The following ALPK1 variants were observed in gnomAD, a reference collection of about 807,000 sequenced individuals.
ALPK1 encodes alpha-protein kinase 1.
Under a neutral mutation model 120.6 loss-of-function variants are expected in ALPK1, and 110 were observed. That is an observed-to-expected ratio of 0.91 (90% confidence interval 0.78 to 1.07). The LOEUF is 1.07. ALPK1 is among the 50% of genes least tolerant of loss of function. The pLI is 0.00. For synonymous variants in ALPK1, 582 were observed against 560.3 expected (o/e 1.04, Z -0.55); for missense variants, 1,498 against 1,483.9 (o/e 1.01, Z -0.16).
In ALPK1 at chr4:112,357,815, T is replaced by C; in HGVS notation, c.-100-19863T>C. Reference sequence around the variant, plus strand: ...ATCTTCTTCCCTTCATATCCCATCATGGAAAAGAGCCTGGAGTTCTGGCAG... The same window carrying C: ...ATCTTCTTCCCTTCATATCCCATCACGGAAAAGAGCCTGGAGTTCTGGCAG... On this transcript the variant is annotated intron_variant, in intron 2 of 15. Transcript: ENST00000650871. The C allele has an allele frequency of 8.7e-6, 9 of 1,029,540 alleles. No individual in the cohort carries two copies. In the South Asian group the frequency reaches 1.1e-4, roughly 13 times the overall value. The allele number at this position is 1,029,540 out of a possible 1,614,324, so 63.8% of individuals were successfully genotyped here. A position where few individuals can be genotyped will look rare whatever the true frequency, so the allele number is the denominator to read the frequency against.
At chr4:112,315,541 C>T (rs1410581754) in intron 1 of ALPK1, among the ~76,000 whole-genome samples, 1 of 152,142 alleles carries the variant, frequency 6.6e-6, no homozygotes, top group Non-Finnish European at 1.5e-5. Flanking sequence ...GGTTTGTCCC[C>T]AGTCAAGCAC....
rs746970490 is a variant in ALPK1, at chr4:112,439,722, G to T, written c.3388G>T (p.Val1130Leu). ...CAAGACAATAAAGGGATGTATCAGTGTGGAGCCTTACATACTGGGAGAATT... is the reference window on the plus strand; with the variant it reads ...CAAGACAATAAAGGGATGTATCAGTTTGGAGCCTTACATACTGGGAGAATT... The part of the protein sequence containing the change: ...EDKTIKGCIS[V>L]EPYILGEFVK... Residue 1130 changes from valine (V) to leucine (L), a missense_variant, in exon 14 of 16, where the codon GTG becomes TTG. Coordinates refer to ENST00000650871, the MANE Select transcript of ALPK1 (RefSeq NM_025144.4). 6.2e-7 allele frequency: 1 copy of T among 1,612,382 alleles called. No homozygotes were observed. Among genetic ancestry groups the T allele is most frequent in the Non-Finnish European group, 8.5e-7 (1 of 1,179,390 alleles).
intron 3 of ALPK1, 86 bp from the exon 4 acceptor site, chr4:112,382,312 C>A: frequency 8.3e-6 from 6 of 720,606 alleles, no homozygotes; most frequent in Non-Finnish European, 1.1e-5. Flanking sequence ...TTTTTTTTTG[C>A]CACTGAGGTG....
At chr4:112,359,958 T>G (rs1730841143) in intron 2 of ALPK1, 1 of 166,830 alleles carries the variant, frequency 6.0e-6, no homozygotes, top group African/African-American at 2.4e-5. Context: ...GCATACAATA[T>G]AATTATTTTC....
chr4:112,432,499 G>A lies in ALPK1; in HGVS notation c.2952G>A (p.Leu984=), dbSNP rs1734613568. Reference sequence around the variant, plus strand: ...AACCTGATGACTTTGAAAAGCTGTTGGCAGGAGTGAGGCATGATTGGCTGT... The same window carrying A: ...AACCTGATGACTTTGAAAAGCTGTTAGCAGGAGTGAGGCATGATTGGCTGT... ...TLQPDDFEKL[L]AGVRHDWLFQ... The change falls in exon 11 of 16, where the codon TTG becomes TTA. Residue 984 remains leucine, a synonymous_variant. Coordinates refer to ENST00000650871, the MANE Select transcript of ALPK1 (RefSeq NM_025144.4). 1 of 1,614,166 alleles carries A rather than the reference G, an allele frequency of 6.2e-7. No individual in the cohort carries two copies. The highest frequency in any genetic ancestry group is 8.5e-7 in the Non-Finnish European group (1 of 1,180,036).
At chr4:112,399,124 C>G (rs902956321) in intron 4 of ALPK1, among the ~76,000 whole-genome samples, 2 of 152,122 alleles carry the variant, frequency 1.3e-5, no homozygotes, top group Non-Finnish European at 2.9e-5. Context: ...TGGGATTCAT[C>G]ATCAGTGTTG....
chr4:112,376,175 AC>A (rs1731650394), intron 2 of ALPK1, among the ~76,000 whole-genome samples: 1 of 152,228 alleles, frequency 6.6e-6, no homozygotes, highest in Non-Finnish European at 1.5e-5. Flanking sequence ...TCCAAGAATT[AC>A]CAAAAAGTGG....
intron 4 of ALPK1, among the ~76,000 whole-genome samples, chr4:112,385,174 G>T (rs1732097739): frequency 6.6e-6 from 1 of 152,150 alleles, no homozygotes; most frequent in South Asian, 2.1e-4. Context: ...AGTGACATTA[G>T]CTTAAAAACT....
intron 1 of ALPK1, among the ~76,000 whole-genome samples, chr4:112,313,429 T>A (rs978233436): frequency 3.9e-4 from 59 of 152,096 alleles, no homozygotes; most frequent in African/African-American, 1.4e-3. Context: ...GGAGTAAGAA[T>A]TGACTGCTGG....
intron 3 of ALPK1, among the ~76,000 whole-genome samples, chr4:112,381,622 G>A (rs1046511656): frequency 2.0e-5 from 3 of 152,154 alleles, no homozygotes; most frequent in Non-Finnish European, 4.4e-5. Context: ...CAGGTGGAGT[G>A]CAGTCAAACA....
At position 112,440,014 on chromosome 4, in the gene ALPK1, T is replaced by C. The variant is rs541286295; in HGVS notation, c.3538+142T>C. 5.8e-4 allele frequency: 438 copies of C among 754,572 alleles called. 5 individuals are homozygous for C. The East Asian group carries it at 0.013, about 22-fold the overall frequency. The allele number at this position is 754,572 out of a possible 1,614,324, so 46.7% of individuals were successfully genotyped here. ...AGTTAACTTAATTGATCTTACTATA[T>C]ATAGCAAATAATTCCTGAAAGAAAA... On this transcript the variant is annotated intron_variant, in intron 14 of 15. Coordinates refer to ENST00000650871, the MANE Select transcript of ALPK1 (RefSeq NM_025144.4).
chr4:112,395,971 T>G (rs1732631716), intron 4 of ALPK1, among the ~76,000 whole-genome samples: 1 of 152,222 alleles, frequency 6.6e-6, no homozygotes, highest in South Asian at 2.1e-4. Context: ...CAGAGGATTT[T>G]TTTTAACAAA....
At chr4:112,380,243 T>C (rs911039857) in intron 3 of ALPK1, among the ~76,000 whole-genome samples, 21 of 152,210 alleles carry the variant, frequency 1.4e-4, no homozygotes, top group African/African-American at 3.4e-4. Flanking sequence ...TACAGCTATA[T>C]TGAAAACAGT....
chr4:112,356,340 A>G, intron 2 of ALPK1: 1 of 876,058 alleles, frequency 1.1e-6, no homozygotes, highest in Non-Finnish European at 2.0e-6. Context: ...TTTGCCTGCA[A>G]TTTTGCCGAT....
At chr4:112,350,692 T>C (rs1730316198) in intron 2 of ALPK1, among the ~76,000 whole-genome samples, 1 of 152,248 alleles carries the variant, frequency 6.6e-6, no homozygotes, top group Non-Finnish European at 1.5e-5. Context: ...ACTCTTATCC[T>C]GATCTTCTCT....
intron 1 of ALPK1, among the ~76,000 whole-genome samples, chr4:112,304,214 G>A (rs1219047207): frequency 6.6e-6 from 1 of 152,046 alleles, no homozygotes; most frequent in Admixed American, 6.6e-5. Context: ...AAACATACGT[G>A]TGCATGTGTC....
In ALPK1 at chr4:112,424,110, A is replaced by G. The variant is rs1560681746; in HGVS notation, c.535+107A>G. The G allele has an allele frequency of 1.5e-5, 16 of 1,098,172 alleles. No homozygotes were observed. In the Admixed American group the frequency reaches 1.6e-4, roughly 11 times the overall value. The allele number at this position is 1,098,172 out of a possible 1,614,324, so 68.0% of individuals were successfully genotyped here. On this transcript the variant is annotated intron_variant, in intron 6 of 15. Coordinates refer to ENST00000650871, the MANE Select transcript of ALPK1 (RefSeq NM_025144.4). The stretch of plus-strand genomic sequence containing the variant: ...TAGTTACTATACCTTAGATGTTTCC[A>G]GAGCTATCTGGGGCTGGCTCTGCCA...
intron 1 of ALPK1, among the ~76,000 whole-genome samples, chr4:112,304,686 C>G (rs1218077275): frequency 1.3e-5 from 2 of 152,026 alleles, no homozygotes; most frequent in African/African-American, 4.8e-5. Context: ...AAAATTTTCT[C>G]CCATTCTGTA....
intron 2 of ALPK1, among the ~76,000 whole-genome samples, chr4:112,354,611 G>A (rs975173863): frequency 6.6e-6 from 1 of 152,094 alleles, no homozygotes; most frequent in Non-Finnish European, 1.5e-5. Flanking sequence ...AGGATTACAA[G>A]CATGAGCCAC....
Sources: gnomAD v4.1 joint callset for allele counts (sites outside exome capture counted in the v4.1 genomes callset) on GRCh38, gnomAD v4.1.1 for gene constraint, MANE v1.5 for transcripts, NCBI Gene and HGNC (gene_info 2026-07-23, HGNC 2026-07-21) for gene names.